DERPC: variants seen among roughly 807,000 people sequenced by gnomAD.
DERPC encodes the protein decreased expression in renal and prostate cancer protein.
In DERPC, 1 loss-of-function variant was observed where a neutral mutation model predicts 7.2. The observed-to-expected ratio is 0.14, with a 90% CI of 0.05 to 0.66. The LOEUF is 0.66. Ranked by LOEUF, DERPC falls within the 30% of genes least tolerant of loss-of-function variation. The pLI is 0.84. For missense variants in DERPC, 502 were observed against 299.4 expected, an observed-to-expected ratio of 1.68 and a Z score of -4.99; for synonymous variants, 185 against 117.6, an observed-to-expected ratio of 1.57 and a Z score of -3.71.
chr16:69,122,884 A>G (rs919152002), intron 1 of DERPC, among the ~76,000 whole-genome samples: 2 of 151,006 alleles, frequency 1.3e-5, no homozygotes. Context: ...TCACCATGTT[A>G]GCCAGGCTGG....
chr16:69,118,518 A>T lies in DERPC; in HGVS notation c.*336T>A, dbSNP rs2152263826. The T allele has an allele frequency of 9.8e-7, 1 of 1,016,050 alleles. No individual in the cohort carries two copies. The highest frequency in any genetic ancestry group is 1.3e-5 in the South Asian group (1 of 78,898). The allele number at this position is 1,016,050 out of a possible 1,614,324, so 62.9% of individuals were successfully genotyped here. A position where few individuals can be genotyped will look rare whatever the true frequency, so the allele number is the denominator to read the frequency against. ...CATGTGAACTGGGACCTGCAGGCCA[A>T]TGTATCCCTGAGGAAAAGTCCACAA... On this transcript the variant is annotated 3_prime_UTR_variant, in exon 3 of 3. Transcript: ENST00000519520.
At chr16:69,127,151 T>C (rs899281703) in intron 1 of DERPC, among the ~76,000 whole-genome samples, 6 of 151,612 alleles carry the variant, frequency 4.0e-5, no homozygotes, top group African/African-American at 1.2e-4. Context: ...GACAGGAGAA[T>C]TGCTTGAACC....
At chr16:69,125,533 C>T (rs951822329) in intron 1 of DERPC, among the ~76,000 whole-genome samples, 7 of 152,160 alleles carry the variant, frequency 4.6e-5, no homozygotes, top group Non-Finnish European at 8.8e-5. Context: ...ATCAAGGCAT[C>T]AGGCAGGCAT....
chr16:69,119,836 G>C lies in DERPC; in HGVS notation c.593C>G (p.Pro198Arg), dbSNP rs1961490128. 3 of 701,272 alleles carry C rather than the reference G, an allele frequency of 4.3e-6. No homozygotes were observed. In the Admixed American group the frequency reaches 6.0e-5, roughly 14 times the overall value. 43.4% of individuals were successfully genotyped at this position (701,272 alleles called of 1,614,324 possible). A position where few individuals can be genotyped will look rare whatever the true frequency, so the allele number is the denominator to read the frequency against. ...GCCCAGGCCAACTGGCCTAGGATTG[G>C]GAGGACCATTCCCAGAGGTTAACAG... ...GVLLTSGNGP[P>R]NPRPVGLGPG... Residue 198 changes from proline to arginine, a missense_variant, in exon 3 of 3, where the codon CCC (proline) becomes CGC (arginine). Pro to Arg is a moderately radical substitution (Grantham distance 103). Transcript: ENST00000519520.
At position 69,121,504 on chromosome 16, in the gene DERPC, A is replaced by G; in HGVS notation, c.-279-11T>C. On this transcript the variant is annotated splice_polypyrimidine_tract_variant and intron_variant, in intron 1 of 2. Coordinates refer to ENST00000519520, the MANE Select transcript of DERPC (RefSeq NM_001002847.4). The stretch of plus-strand genomic sequence containing the variant: ...GCAAGTGAAAACAAGCTGTAGAGAG[A>G]AAAAAAGAGATTTAGGGTAATAACA... The G allele has an allele frequency of 6.5e-7, 1 of 1,527,774 alleles. No individual in the cohort carries two copies. Among genetic ancestry groups the G allele is most frequent in the Non-Finnish European group, 8.9e-7 (1 of 1,119,966 alleles). The allele number at this position is 1,527,774 out of a possible 1,614,324, so 94.6% of individuals were successfully genotyped here.
Position 69,119,754 on chromosome 16 carries a change from C to A in DERPC, c.675G>T (p.Arg225Ser). Reference sequence around the variant, plus strand: ...GGCCTGGGCCTGGAAACACACCTGACCTGGGGGCAGGGTTTGTCCCTAAAA... The same window carrying A: ...GGCCTGGGCCTGGAAACACACCTGAACTGGGGGCAGGGTTTGTCCCTAAAA... ...SGFLGTNPAP[R>S]SGVFPGPGLG... Residue 225 changes from arginine to serine, a missense_variant, in exon 3 of 3, where the codon AGG (arginine) becomes AGT (serine). By Grantham distance (110) the Arg-to-Ser change is moderately radical. Transcript: ENST00000519520. The A allele has an allele frequency of 1.4e-6, 1 of 695,860 alleles. No individual in the cohort carries two copies. Among genetic ancestry groups the A allele is most frequent in the Non-Finnish European group, 2.6e-6 (1 of 380,290 alleles). The allele number at this position is 695,860 out of a possible 1,614,324, so 43.1% of individuals were successfully genotyped here.
In DERPC at chr16:69,118,280, A is replaced by G; in HGVS notation, c.*574T>C. On this transcript the variant is annotated 3_prime_UTR_variant, in exon 3 of 3. Coordinates refer to ENST00000519520, the MANE Select transcript of DERPC (RefSeq NM_001002847.4). ...CCCAGGAGAAGGGAGCTGCAGGCCC[A>G]GTCAGTCAAGCAGAAACTGCATTCG... 1.1e-6 allele frequency: 1 copy of G among 928,522 alleles called. No individual in the cohort carries two copies. Among genetic ancestry groups the G allele is most frequent in the Non-Finnish European group, 1.8e-6 (1 of 562,060 alleles). The allele number at this position is 928,522 out of a possible 1,614,324, so 57.5% of individuals were successfully genotyped here.
At position 69,118,555 on chromosome 16, in the gene DERPC, G is replaced by GAAAC. The variant is rs776502033; in HGVS notation, c.*295_*298dup. On this transcript the variant is annotated 3_prime_UTR_variant, in exon 3 of 3. Coordinates refer to ENST00000519520, the MANE Select transcript of DERPC (RefSeq NM_001002847.4). ...GGAAAAGTCCACAAGAACAATTCAA[G>GAAAC]AAACTAGTAAGAAACAATGGGCAGA... 6.2e-6 allele frequency: 5 copies of GAAAC among 811,174 alleles called. No individual in the cohort carries two copies. The African/African-American group carries it at 6.7e-5, about 11-fold the overall frequency. 50.2% of individuals were successfully genotyped at this position (811,174 alleles called of 1,614,324 possible). A position where few individuals can be genotyped will look rare whatever the true frequency, so the allele number is the denominator to read the frequency against.
chr16:69,127,158 A>C (rs1475418938), intron 1 of DERPC, among the ~76,000 whole-genome samples: 1 of 151,840 alleles, frequency 6.6e-6, no homozygotes, highest in Non-Finnish European at 1.5e-5. Context: ...GAATTGCTTG[A>C]ACCTGGGAGG....
chr16:69,119,161 C>T lies in DERPC; in HGVS notation c.1268G>A (p.Ser423Asn). Reference protein sequence around the residue: ...FPRATGLQGPSPTTFPRSTGP... With the variant: ...FPRATGLQGPNPTTFPRSTGP... ...AGTAGACCTTGGGAAGGTAGTTGGA[C>T]TTGGACCCTGCAGGCCAGTGGCCCT... Residue 423 changes from serine to asparagine, a missense_variant, in exon 3 of 3, where the codon AGT (serine) becomes AAT (asparagine). Transcript: ENST00000519520. 1 of 703,040 alleles carries T rather than the reference C, an allele frequency of 1.4e-6. No individual in the cohort carries two copies. The highest frequency in any genetic ancestry group is 2.6e-6 in the Non-Finnish European group (1 of 385,020). The allele number at this position is 703,040 out of a possible 1,614,324, so 43.6% of individuals were successfully genotyped here.
rs762329372 is a variant in DERPC at position 69,119,668 on chromosome 16, C to A, written c.761G>T (p.Gly254Val). 3.0e-6 allele frequency: 2 copies of A among 674,392 alleles called. No individual in the cohort carries two copies. The highest frequency in any genetic ancestry group is 5.4e-5 in the East Asian group (2 of 36,870). 41.8% of individuals were successfully genotyped at this position (674,392 alleles called of 1,614,324 possible). Residue 254 changes from glycine (G) to valine (V), a missense_variant, in exon 3 of 3, where the codon GGT (glycine) becomes GTT (valine). Physicochemically the swap from Gly to Val is moderately radical, Grantham distance 109. Transcript: ENST00000519520. ...ACCAGATCCTGTGCCCAAGAGGCCA[C>A]CTGCTCTGGCATCTAGATTAGGGCC... The part of the protein sequence containing the change: ...GPGPNLDARA[G>V]GLLGTGSGLN...
chr16:69,132,041 G>A (rs1308768207), intron 1 of DERPC: 1 of 153,044 alleles, frequency 6.5e-6, no homozygotes, highest in Non-Finnish European at 1.5e-5. Flanking sequence ...CAAGCATAGC[G>A]GGCTGGGCTC....
At chr16:69,132,356 T>C (rs1962611294) in intron 1 of DERPC, 128 bp downstream of exon 1, 2 of 141,064 alleles carry the variant, frequency 1.4e-5, no homozygotes, top group African/African-American at 5.4e-5. Context: ...CTCGCCATTC[T>C]TCTCTCCGAG....
chr16:69,128,439 C>G (rs575741476), intron 1 of DERPC, among the ~76,000 whole-genome samples: 2 of 152,156 alleles, frequency 1.3e-5, no homozygotes, highest in African/African-American at 4.8e-5. Flanking sequence ...ATAAAGAAAA[C>G]CAAACCTTTC....
intron 2 of DERPC, 134 bp downstream of exon 2, chr16:69,121,302 G>A: frequency 8.2e-7 from 1 of 1,212,232 alleles, no homozygotes; most frequent in Non-Finnish European, 1.2e-6. Flanking sequence ...GCAGTGCTAG[G>A]CATGGAACTA....
intron 1 of DERPC, among the ~76,000 whole-genome samples, chr16:69,127,277 T>C (rs1962136336): frequency 6.8e-6 from 1 of 148,144 alleles, no homozygotes; most frequent in Non-Finnish European, 1.5e-5. Flanking sequence ...TGCAACCCAA[T>C]GTGCCCCCAT....
intron 1 of DERPC, among the ~76,000 whole-genome samples, chr16:69,124,915 T>A (rs1351150632): frequency 2.0e-5 from 3 of 151,008 alleles, no homozygotes; most frequent in Non-Finnish European, 4.4e-5. Flanking sequence ...CTCACTAGAC[T>A]TTTTTTGAGA....
chr16:69,121,381 C>T, intron 2 of DERPC, 55 bp downstream of exon 2: 1 of 1,488,162 alleles, frequency 6.7e-7, no homozygotes, highest in Non-Finnish European at 9.2e-7. Context: ...ACATGGCACA[C>T]CTCTATAGCC....
chr16:69,124,455 A>T (rs1008848647), intron 1 of DERPC, among the ~76,000 whole-genome samples: 1 of 151,880 alleles, frequency 6.6e-6, no homozygotes, highest in African/African-American at 2.4e-5. Context: ...ATGGACTCTC[A>T]CTCTGTTGCC....
Sources: allele counts gnomAD v4.1 joint callset (sites outside exome capture counted in the v4.1 genomes callset), GRCh38; gene constraint gnomAD v4.1.1; transcripts MANE v1.5; gene names NCBI Gene and HGNC (gene_info 2026-07-23, HGNC 2026-07-21).